The following LINGO1 variants were observed in gnomAD, a reference collection of about 807,000 sequenced individuals.
LINGO1 encodes leucine-rich repeat and immunoglobulin-like domain-containing nogo receptor-interacting protein 1.
Under a neutral mutation model 37.3 loss-of-function variants are expected in LINGO1, and 11 were observed. The observed-to-expected ratio is 0.29, with a 90% CI of 0.19 to 0.49. The LOEUF (loss-of-function observed/expected upper bound fraction) is 0.49. LINGO1 is among the 20% of genes least tolerant of loss of function. The probability of loss-of-function intolerance (pLI) is 0.99; values close to 1 mark genes in which losing one functional copy is unlikely to be tolerated. For missense variants in LINGO1, 585 were observed against 878.2 expected, an observed-to-expected ratio of 0.67 and a Z score of 4.22; for synonymous variants, 387 against 403.0, an observed-to-expected ratio of 0.96 and a Z score of 0.48.
intron 2 of LINGO1, among the ~76,000 whole-genome samples, chr15:77,677,511 T>C (rs1413638547): frequency 3.3e-5 from 5 of 152,076 alleles, no homozygotes; most frequent in Non-Finnish European, 7.4e-5. Flanking sequence ...CGTGCACAGA[T>C]ACACAGATGG....
Position 77,615,936 on chromosome 15 carries a change from G to A in LINGO1, c.7-36C>T. 4 of 1,415,246 alleles carry A rather than the reference G, an allele frequency of 2.8e-6. No individual in the cohort carries two copies. The East Asian group carries it at 7.5e-5, about 26-fold the overall frequency. The allele number at this position is 1,415,246 out of a possible 1,614,324, so 87.7% of individuals were successfully genotyped here. A position where few individuals can be genotyped will look rare whatever the true frequency, so the allele number is the denominator to read the frequency against. ...GAGCAAGCACAGGACAGAGGTGGCG[G>A]TTAGGGGGCAGTGTGTGTCTGGATG... On this transcript the variant is annotated intron_variant, in intron 1 of 1. Coordinates refer to ENST00000355300, the MANE Select transcript of LINGO1 (RefSeq NM_032808.7).
At chr15:77,641,823 C>A (rs1044962284) in intron 3 of LINGO1, 7 of 455,602 alleles carry the variant, frequency 1.5e-5, no homozygotes, top group Non-Finnish European at 2.6e-5. Flanking sequence ...GACAAACCTG[C>A]GACAGAGGAT....
At chr15:77,706,269 C>T (rs989259134) in intron 2 of LINGO1, among the ~76,000 whole-genome samples, 9 of 152,202 alleles carry the variant, frequency 5.9e-5, no homozygotes, top group African/African-American at 1.9e-4. Context: ...CAACCCGGCA[C>T]CTGTCCTGGG....
chr15:77,680,263 A>G (rs2075392109), intron 2 of LINGO1, among the ~76,000 whole-genome samples: 1 of 152,198 alleles, frequency 6.6e-6, no homozygotes, highest in Non-Finnish European at 1.5e-5. Flanking sequence ...CCGGGCATGG[A>G]ATGTGAGTTC....
intron 1 of LINGO1, among the ~76,000 whole-genome samples, chr15:77,814,025 T>C (rs2077028882): frequency 6.6e-6 from 1 of 151,792 alleles, no homozygotes; most frequent in African/African-American, 2.4e-5. Context: ...CCCCTCCCTG[T>C]GCTGGGGCAG....
chr15:77,749,302 A>G (rs2076347879), intron 1 of LINGO1, among the ~76,000 whole-genome samples: 1 of 152,080 alleles, frequency 6.6e-6, no homozygotes, highest in Non-Finnish European at 1.5e-5. Context: ...CCCTGCCTTC[A>G]GCCTGGCCAC....
intron 1 of LINGO1, among the ~76,000 whole-genome samples, chr15:77,807,044 TTCTCAGAGG>T (rs2076965973): frequency 6.6e-6 from 1 of 152,180 alleles, no homozygotes. Context: ...CACACCCAGC[TTCTCAGAGG>T]TCACCCTTCT....
At chr15:77,640,248 T>C (rs2074475528) in intron 3 of LINGO1, among the ~76,000 whole-genome samples, 2 of 152,212 alleles carry the variant, frequency 1.3e-5, no homozygotes. Flanking sequence ...CCTGGAATAT[T>C]TGCAGAGACC....
At chr15:77,672,085 C>A (rs900454660) in intron 3 of LINGO1, among the ~76,000 whole-genome samples, 5 of 151,626 alleles carry the variant, frequency 3.3e-5, no homozygotes, top group Non-Finnish European at 7.4e-5. Flanking sequence ...TAATAGATGC[C>A]AGTTCCCTCT....
chr15:77,756,322 C>T (rs148302634), intron 1 of LINGO1, among the ~76,000 whole-genome samples: 3 of 152,284 alleles, frequency 2.0e-5, no homozygotes, highest in Non-Finnish European at 2.9e-5. Flanking sequence ...CAAAAAAGCT[C>T]GGACATTTTG....
intron 2 of LINGO1, among the ~76,000 whole-genome samples, chr15:77,702,122 C>T (rs56137841): frequency 0.35 from 53,141 of 152,036 alleles, 11,334 homozygotes; most frequent in Non-Finnish European, 0.48. Context: ...TTAGTTCCCC[C>T]AAGGCTTTTG....
intron 3 of LINGO1, among the ~76,000 whole-genome samples, chr15:77,656,496 C>A (rs373435442): frequency 4.6e-5 from 7 of 152,222 alleles, no homozygotes; most frequent in Non-Finnish European, 7.3e-5. Flanking sequence ...CTCCTCCCCC[C>A]GCAGCCGCCC....
At chr15:77,657,845 CA>C (rs2074898889) in intron 3 of LINGO1, among the ~76,000 whole-genome samples, 1 of 152,228 alleles carries the variant, frequency 6.6e-6, no homozygotes, top group Admixed American at 6.5e-5. Flanking sequence ...GGAACTGTTA[CA>C]AAGTTGCGAG....
At chr15:77,661,779 T>C (rs888713247) in intron 3 of LINGO1, among the ~76,000 whole-genome samples, 2 of 152,214 alleles carry the variant, frequency 1.3e-5, no homozygotes, top group African/African-American at 4.8e-5. Flanking sequence ...AGAGACAGCA[T>C]GGCCCACATC....
At chr15:77,629,948 G>A (rs1340926575) in intron 1 of LINGO1, among the ~76,000 whole-genome samples, 1 of 152,154 alleles carries the variant, frequency 6.6e-6, no homozygotes, top group Admixed American at 6.5e-5. Flanking sequence ...AGGAGAAGGA[G>A]AGGAAAGGAC....
At chr15:77,773,629 C>T (rs1008064690) in intron 1 of LINGO1, among the ~76,000 whole-genome samples, 6 of 152,166 alleles carry the variant, frequency 3.9e-5, no homozygotes, top group South Asian at 2.1e-4. Context: ...TCGGCACAAG[C>T]GACCCTGGAG....
chr15:77,626,290 G>C (rs1467460604), intron 1 of LINGO1, among the ~76,000 whole-genome samples: 1 of 150,432 alleles, frequency 6.6e-6, no homozygotes, highest in Non-Finnish European at 1.5e-5. Context: ...GGTTATTTCT[G>C]CCTCAAAAGG....
At chr15:77,708,836 C>T (rs1369318861) in intron 2 of LINGO1, among the ~76,000 whole-genome samples, 4 of 152,184 alleles carry the variant, frequency 2.6e-5, no homozygotes, top group Admixed American at 1.3e-4. Flanking sequence ...ATTGCTTGAA[C>T]CCAGGAGGCG....
intron 1 of LINGO1, among the ~76,000 whole-genome samples, chr15:77,757,351 C>T (rs2076430805): frequency 6.6e-6 from 1 of 152,202 alleles, no homozygotes; most frequent in African/African-American, 2.4e-5. Flanking sequence ...AGGCACTGAC[C>T]ATGCACAGGG....
Sources: gnomAD v4.1 joint callset for allele counts (sites outside exome capture counted in the v4.1 genomes callset) on GRCh38, gnomAD v4.1.1 for gene constraint, MANE v1.5 for transcripts, NCBI Gene and HGNC (gene_info 2026-07-23, HGNC 2026-07-21) for gene names.